Variants in PBX1 observed in about 807,000 individuals in gnomAD.
PBX1 encodes the protein PBX homeobox 1, also known as pre-B-cell leukemia transcription factor 1.
A neutral mutation model predicts 53.4 loss-of-function variants in PBX1; 6 were observed. The ratio of observed to expected loss-of-function variants is 0.11; its 90% CI spans 0.06 to 0.22. PBX1 has a LOEUF of 0.22. Among genes scored for constraint, PBX1 ranks in the 10% least tolerant of loss-of-function variants. The pLI is 1.00. For missense variants in PBX1, 251 were observed against 551.4 expected (o/e 0.46, Z 5.46); for synonymous variants, 204 against 212.3 (o/e 0.96, Z 0.34).
chr1:164,735,623 G>A (rs1009825620), intron 2 of PBX1, among the ~76,000 whole-genome samples: 6 of 152,192 alleles, frequency 3.9e-5, no homozygotes, highest in African/African-American at 1.2e-4. Flanking sequence ...AGGGCAGAGC[G>A]GGAGAGGTGG....
chr1:164,798,312 A>G (rs1668890410), intron 3 of PBX1, among the ~76,000 whole-genome samples: 1 of 152,232 alleles, frequency 6.6e-6, no homozygotes, highest in Admixed American at 6.5e-5. Context: ...TCTGCTGTTA[A>G]TAAGTTGGAG....
intron 2 of PBX1, among the ~76,000 whole-genome samples, chr1:164,566,863 A>T (rs1195010880): frequency 6.6e-6 from 1 of 152,184 alleles, no homozygotes; most frequent in African/African-American, 2.4e-5. Context: ...CTTTTCAGCC[A>T]ATTTTCCTCT....
intron 3 of PBX1, among the ~76,000 whole-genome samples, chr1:164,797,125 C>G (rs182674221): frequency 1.3e-5 from 2 of 152,354 alleles, no homozygotes; most frequent in African/African-American, 4.8e-5. Flanking sequence ...AACGACCCCA[C>G]TGTCTGTTTA....
chr1:164,805,069 C>A (rs1325641164), intron 4 of PBX1, among the ~76,000 whole-genome samples: 1 of 152,112 alleles, frequency 6.6e-6, no homozygotes, highest in Non-Finnish European at 1.5e-5. Context: ...TATCATGAGT[C>A]TTTTATAAAA....
In PBX1 at chr1:164,870,337, CTTTCTTTCTTTCTTTCTTT is replaced by C. The variant is rs1558053842; in HGVS notation, n.258-28850_258-28832del. The stretch of plus-strand genomic sequence containing the variant: ...TCTTTCTTTCTTTCTTTCTTTCTTT[CTTTCTTTCTTTCTTTCTTT>C]CTTTCGAGATGAAGTCTTGCTCTGT... On this transcript the variant is annotated intron_variant and non_coding_transcript_variant, in intron 2 of 2. Coordinates refer to the PBX1 transcript ENST00000558796. Among the ~76,000 whole-genome samples, 471 of 106,092 alleles carry C rather than the reference CTTTCTTTCTTTCTTTCTTT, an allele frequency of 4.4e-3. 26 individuals carry two copies. Among genetic ancestry groups the C allele is most frequent in the East Asian group, 5.6e-3 (22 of 3,922 alleles). 69.6% of individuals were successfully genotyped at this position (106,092 alleles called of 152,430 possible). A position where few individuals can be genotyped will look rare whatever the true frequency, so the allele number is the denominator to read the frequency against.
chr1:164,765,032 G>C (rs1186092307), intron 2 of PBX1, among the ~76,000 whole-genome samples: 1 of 152,116 alleles, frequency 6.6e-6, no homozygotes, highest in Non-Finnish European at 1.5e-5. Flanking sequence ...TATAGTTATA[G>C]GTTAAAATAC....
At chr1:164,758,244 A>G (rs1398453519) in intron 2 of PBX1, among the ~76,000 whole-genome samples, 1 of 152,152 alleles carries the variant, frequency 6.6e-6, no homozygotes, top group Non-Finnish European at 1.5e-5. Context: ...ACTGTTGATT[A>G]TTTTACCACT....
rs1267036425 is a variant in PBX1, at chr1:164,779,794, A to G, written c.266-12700A>G. On this transcript the variant is annotated intron_variant, in intron 2 of 8. Coordinates refer to ENST00000420696, the MANE Select transcript of PBX1 (RefSeq NM_002585.4). The stretch of plus-strand genomic sequence containing the variant: ...ATGAAGTGCCATCAACAAGGTGCCT[A>G]CGAAGGGCCATGCTAATGTCTGGCC... Among the ~76,000 whole-genome samples, 3 of 152,278 alleles carry G rather than the reference A, an allele frequency of 2.0e-5. No homozygotes were observed. The East Asian group carries it at 5.8e-4, about 29-fold the overall frequency.
chr1:164,618,052 A>G (rs1214030049), intron 2 of PBX1, among the ~76,000 whole-genome samples: 2 of 152,168 alleles, frequency 1.3e-5, no homozygotes, highest in Admixed American at 1.3e-4. Flanking sequence ...GAGCATTTGC[A>G]AAGAGCAGAG....
At chr1:164,776,608 C>T (rs531775991) in intron 2 of PBX1, among the ~76,000 whole-genome samples, 1 of 152,288 alleles carries the variant, frequency 6.6e-6, no homozygotes, top group African/African-American at 2.4e-5. Context: ...TCAGCATATT[C>T]TCCAAATGGA....
chr1:164,675,635 G>T (rs1661388292), intron 2 of PBX1, among the ~76,000 whole-genome samples: 1 of 152,078 alleles, frequency 6.6e-6, no homozygotes, highest in Non-Finnish European at 1.5e-5. Context: ...GAGGGATCAT[G>T]CACTTTACTG....
At chr1:164,708,966 A>G (rs1024971700) in intron 2 of PBX1, among the ~76,000 whole-genome samples, 1 of 152,116 alleles carries the variant, frequency 6.6e-6, no homozygotes, top group Non-Finnish European at 1.5e-5. Flanking sequence ...GGTGCTGGGG[A>G]TACTGACTAG....
intron 2 of PBX1, among the ~76,000 whole-genome samples, chr1:164,601,809 T>C (rs568052571): frequency 2.0e-5 from 3 of 152,284 alleles, no homozygotes; most frequent in African/African-American, 7.2e-5. Flanking sequence ...TGGGATTAAC[T>C]TTCCATGGAG....
intron 2 of PBX1, among the ~76,000 whole-genome samples, chr1:164,881,337 GA>G: frequency 1.1e-4 from 1 of 8,996 alleles, no homozygotes; most frequent in African/African-American, 1.3e-4. Context: ...GGAAAAGAAG[GA>G]AGGAAGGAAG....
chr1:164,816,787 T>G (rs1669899384), intron 6 of PBX1: 2 of 151,644 alleles, frequency 1.3e-5, no homozygotes, highest in Admixed American at 1.3e-4. Context: ...GCTTTATCAT[T>G]ATTATTATTA....
At chr1:164,758,840 C>A (rs1666662405) in intron 2 of PBX1, among the ~76,000 whole-genome samples, 1 of 152,088 alleles carries the variant, frequency 6.6e-6, no homozygotes, top group African/African-American at 2.4e-5. Context: ...AGCATCGTGT[C>A]TGGCACATAG....
At chr1:164,571,434 A>T (rs1433129730) in intron 2 of PBX1, among the ~76,000 whole-genome samples, 2 of 152,156 alleles carry the variant, frequency 1.3e-5, no homozygotes, top group Non-Finnish European at 2.9e-5. Flanking sequence ...CATAAATTGA[A>T]TCATAAAATA....
At chr1:164,809,954 A>G (rs1022221679) in intron 5 of PBX1, among the ~76,000 whole-genome samples, 3 of 152,352 alleles carry the variant, frequency 2.0e-5, no homozygotes, top group African/African-American at 7.2e-5. Flanking sequence ...GGTGAAATCT[A>G]TAATAGAAAT....
chr1:164,581,316 C>T (rs901304450), intron 2 of PBX1, among the ~76,000 whole-genome samples: 1 of 151,832 alleles, frequency 6.6e-6, no homozygotes, highest in Non-Finnish European at 1.5e-5. Flanking sequence ...CAACCTCCGC[C>T]TCTCGGGTTC....
Sources: allele counts gnomAD v4.1 joint callset (sites outside exome capture counted in the v4.1 genomes callset), GRCh38; gene constraint gnomAD v4.1.1; transcripts MANE v1.5; gene names NCBI Gene and HGNC (gene_info 2026-07-23, HGNC 2026-07-21).